Variants in FBN2 observed in about 807,000 individuals in gnomAD.
FBN2 encodes the protein fibrillin 2.
FBN2 carries 105 observed loss-of-function variants against 355.6 expected under a neutral mutation model. The ratio of observed to expected loss-of-function variants is 0.30; its 90% CI spans 0.25 to 0.35. The LOEUF (loss-of-function observed/expected upper bound fraction) is 0.35, where lower values mean the gene tolerates loss of function less well. FBN2 is among the 10% of genes least tolerant of loss of function. FBN2 has a pLI of 1.00. For missense variants in FBN2, 3,280 were observed against 3,758.7 expected, an observed-to-expected ratio of 0.87 and a Z score of 3.33; for synonymous variants, 1,350 against 1,301.2, an observed-to-expected ratio of 1.04 and a Z score of -0.81.
intron 55 of FBN2, among the ~76,000 whole-genome samples, chr5:128,284,527 C>T (rs895184398): frequency 1.3e-5 from 2 of 152,194 alleles, no homozygotes; most frequent in Non-Finnish European, 2.9e-5. Flanking sequence ...CAATTTTCTC[C>T]AGTTCAGCTA....
chr5:128,408,612 G>C (rs904112565), intron 8 of FBN2, 62 bp downstream of exon 8: 1 of 1,599,040 alleles, frequency 6.3e-7, no homozygotes, highest in East Asian at 2.2e-5. Context: ...CTTCATACCT[G>C]TTTGGGCTGT....
intron 10 of FBN2, among the ~76,000 whole-genome samples, chr5:128,392,371 T>A (rs1260227171): frequency 6.6e-6 from 1 of 152,246 alleles, no homozygotes; most frequent in African/African-American, 2.4e-5. Flanking sequence ...CTGAAAATGC[T>A]GCCCTTAATC....
chr5:128,405,950 T>G lies in FBN2; in HGVS notation c.1078+2724A>C, dbSNP rs559708431. 2.5e-4 allele frequency among the ~76,000 whole-genome samples: 38 copies of G among 152,342 alleles called. No individual in the cohort carries two copies. The South Asian group carries it at 7.7e-3, about 31-fold the overall frequency. ...ACAGCACCCAGACAACAGTGTTCAA[T>G]GACGACTCCCACGGCGACGTTTCTC... On this transcript the variant is annotated intron_variant, in intron 8 of 64. Coordinates refer to ENST00000262464, the MANE Select transcript of FBN2 (RefSeq NM_001999.4).
chr5:128,407,893 C>T (rs1752971255), intron 8 of FBN2, among the ~76,000 whole-genome samples: 1 of 152,176 alleles, frequency 6.6e-6, no homozygotes, highest in Admixed American at 6.6e-5. Context: ...AGACACTGCC[C>T]AAACGGCCAC....
chr5:128,376,824 A>T lies in FBN2; in HGVS notation c.1879T>A (p.Cys627Ser). Reference sequence around the variant, plus strand: ...TCATTGATGCACATTCCATTCAAACACATGTTGGTAGTTGTACATTCATCA... The same window carrying T: ...TCATTGATGCACATTCCATTCAAACTCATGTTGGTAGTTGTACATTCATCA... ...DHDECTTTNM[C>S]LNGMCINEDG... The change falls in exon 14 of 65, where the codon TGT (cysteine) becomes AGT (serine). Residue 627 changes from cysteine (C) to serine (S), a missense_variant. Physicochemically the swap from Cys to Ser is moderately radical, Grantham distance 112. This residue lies in a region of FBN2 where 2,284 missense variants were observed against 2,749.5 expected (regional missense o/e 0.83). Coordinates refer to ENST00000262464, the MANE Select transcript of FBN2 (RefSeq NM_001999.4). 1 of 1,613,554 alleles carries T rather than the reference A, an allele frequency of 6.2e-7. No individual in the cohort carries two copies. Among genetic ancestry groups the T allele is most frequent in the Non-Finnish European group, 8.5e-7 (1 of 1,179,648 alleles).
intron 7 of FBN2, among the ~76,000 whole-genome samples, chr5:128,418,531 T>G (rs1425588109): frequency 6.6e-6 from 1 of 152,160 alleles, no homozygotes; most frequent in Non-Finnish European, 1.5e-5. Flanking sequence ...ACATAGGTTT[T>G]GGTATGTTGC....
chr5:128,451,421 A>G (rs1754241053), intron 6 of FBN2, among the ~76,000 whole-genome samples: 2 of 152,130 alleles, frequency 1.3e-5, no homozygotes, highest in African/African-American at 4.8e-5. Context: ...AGAAATTATT[A>G]TTATACTTGC....
At chr5:128,507,369 T>C (rs1755990566) in intron 5 of FBN2, among the ~76,000 whole-genome samples, 2 of 152,102 alleles carry the variant, frequency 1.3e-5, no homozygotes, top group Non-Finnish European at 2.9e-5. Context: ...AAAAAAATTA[T>C]GTAGTATTTG....
In FBN2 at chr5:128,381,035, T is replaced by C. The variant is rs553605379; in HGVS notation, c.1604-2145A>G. Among the ~76,000 whole-genome samples, 4 of 152,256 alleles carry C rather than the reference T, an allele frequency of 2.6e-5. No individual in the cohort carries two copies. The South Asian group carries it at 6.2e-4, about 24-fold the overall frequency. On this transcript the variant is annotated intron_variant, in intron 11 of 64. Transcript: ENST00000262464. ...CTATATAGCTAAGAAATATTTTCCC[T>C]TGAAAAATACTTTATATGCCAACTT... is the stretch of plus-strand genomic sequence containing the variant.
intron 34 of FBN2, 61 bp from the exon 35 acceptor site, chr5:128,319,062 A>G: frequency 7.4e-7 from 1 of 1,346,034 alleles, no homozygotes; most frequent in Non-Finnish European, 1.1e-6. Flanking sequence ...TTTTAATGTA[A>G]TGTCTAACAT....
intron 6 of FBN2, among the ~76,000 whole-genome samples, chr5:128,454,182 A>T (rs1394068712): frequency 6.6e-6 from 1 of 152,180 alleles, no homozygotes; most frequent in Non-Finnish European, 1.5e-5. Context: ...TCCCTGTCCC[A>T]GTGACTTCCC....
intron 62 of FBN2, among the ~76,000 whole-genome samples, chr5:128,264,815 G>A (rs903567602): frequency 2.6e-5 from 4 of 152,202 alleles, no homozygotes; most frequent in Non-Finnish European, 4.4e-5. Context: ...GTGGGGAAGC[G>A]AGGGATCTGC....
At chr5:128,378,017 T>C in intron 12 of FBN2, 140 bp from the exon 13 acceptor site, 6 of 893,906 alleles carry the variant, frequency 6.7e-6, no homozygotes, top group Non-Finnish European at 1.0e-5. Flanking sequence ...AGTTTTTTTT[T>C]TTTTTTTTGG....
At chr5:128,289,391 C>T in intron 51 of FBN2, 139 bp from the exon 52 acceptor site, 1 of 835,934 alleles carries the variant, frequency 1.2e-6, no homozygotes, top group Non-Finnish European at 2.0e-6. Context: ...TGAGACCAGC[C>T]TGGGCAACAT....
chr5:128,458,701 G>T (rs148724790), intron 6 of FBN2, among the ~76,000 whole-genome samples: 3 of 152,016 alleles, frequency 2.0e-5, no homozygotes, highest in African/African-American at 7.2e-5. Flanking sequence ...AATGACTCCT[G>T]GGTAAATACT....
At chr5:128,402,547 G>A in intron 8 of FBN2, among the ~76,000 whole-genome samples, 1 of 152,126 alleles carries the variant, frequency 6.6e-6, no homozygotes, top group East Asian at 1.9e-4. Flanking sequence ...CTTGATTTAA[G>A]AGAACTAATG....
intron 5 of FBN2, among the ~76,000 whole-genome samples, chr5:128,503,401 C>T (rs141810151): frequency 2.0e-3 from 308 of 152,200 alleles, no homozygotes; most frequent in Non-Finnish European, 3.6e-3. Flanking sequence ...GACTATGGAA[C>T]TGGGTAACAG....
At chr5:128,355,349 A>C (rs1751473469) in intron 20 of FBN2, among the ~76,000 whole-genome samples, 1 of 152,210 alleles carries the variant, frequency 6.6e-6, no homozygotes, top group Non-Finnish European at 1.5e-5. Context: ...TAATGCAGGA[A>C]ATATTAATCA....
intron 2 of FBN2, among the ~76,000 whole-genome samples, chr5:128,533,168 C>A (rs1259250464): frequency 6.6e-6 from 1 of 152,172 alleles, no homozygotes; most frequent in Non-Finnish European, 1.5e-5. Context: ...AGTTTCTGAT[C>A]ACCAGTAACT....
Sources: gnomAD v4.1 joint callset for allele counts (sites outside exome capture counted in the v4.1 genomes callset) on GRCh38, gnomAD v4.1.1 for gene constraint, gnomAD v4.1.1 regional missense constraint, MANE v1.5 for transcripts, NCBI Gene and HGNC (gene_info 2026-07-23, HGNC 2026-07-21) for gene names.